The following STX19 variants were observed in gnomAD, a reference collection of about 807,000 sequenced individuals.
STX19 encodes the protein syntaxin-19.
Under a neutral mutation model 24.3 loss-of-function variants are expected in STX19, and 26 were observed. The ratio of observed to expected loss-of-function variants is 1.07; its 90% CI spans 0.78 to 1.48. STX19 has a LOEUF of 1.48. Among genes scored for constraint, STX19 ranks in the 40% most tolerant of loss-of-function variants. The probability of loss-of-function intolerance (pLI) is 0.00; values close to 1 mark genes in which losing one functional copy is unlikely to be tolerated. For synonymous variants in STX19, 116 were observed against 106.9 expected (o/e 1.09, Z -0.52); for missense variants, 367 against 331.9 (o/e 1.11, Z -0.82).
In STX19 at chr3:94,028,444, T is replaced by C. The variant is rs1275397478; in HGVS notation, c.-91A>G. On this transcript the variant is annotated 5_prime_UTR_variant, in exon 1 of 2. It removes an upstream start codon present in the reference 5' UTR. Coordinates refer to ENST00000315099, the MANE Select transcript of STX19 (RefSeq NM_001001850.3). ...CCTTTGAGAGAATATCTGAATATCA[T>C]CTCATGTTTTGAACAAATTATCTAA... The C allele has an allele frequency of 1.3e-5, 2 of 152,248 alleles. No individual in the cohort carries two copies. The highest frequency in any genetic ancestry group is 6.5e-5 in the Admixed American group (1 of 15,286). The allele number at this position is 152,248 out of a possible 1,614,324, so 9.4% of individuals were successfully genotyped here. A position where few individuals can be genotyped will look rare whatever the true frequency, so the allele number is the denominator to read the frequency against.
intron 1 of STX19, among the ~76,000 whole-genome samples, chr3:94,021,933 C>T (rs1327258177): frequency 1.3e-5 from 2 of 151,974 alleles, no homozygotes; most frequent in Non-Finnish European, 2.9e-5. Flanking sequence ...GTTAACAAGT[C>T]AAGTCATGTC....
At chr3:94,026,021 CT>C (rs548770030) in intron 1 of STX19, among the ~76,000 whole-genome samples, 184 of 140,282 alleles carry the variant, frequency 1.3e-3, no homozygotes, top group Non-Finnish European at 1.5e-3. Flanking sequence ...GAAAACTTCT[CT>C]TTTTTTTTTT....
At chr3:94,019,369 G>T (rs914591909) in intron 1 of STX19, among the ~76,000 whole-genome samples, 1 of 151,806 alleles carries the variant, frequency 6.6e-6, no homozygotes, top group Admixed American at 6.6e-5. Flanking sequence ...GCTAATTTTT[G>T]TATTTTCAGT....
intron 1 of STX19, among the ~76,000 whole-genome samples, chr3:94,022,965 T>G (rs2076481211): frequency 6.6e-6 from 1 of 151,986 alleles, no homozygotes; most frequent in East Asian, 1.9e-4. Context: ...ATATATATAT[T>G]TTTATTTCAT....
intron 1 of STX19, among the ~76,000 whole-genome samples, chr3:94,018,632 TGC>T (rs1393454477): frequency 1.3e-5 from 2 of 152,168 alleles, no homozygotes; most frequent in African/African-American, 4.8e-5. Context: ...CTTAAAAAAC[TGC>T]CTACCTGACA....
chr3:94,016,887 C>T (rs1236554229), intron 1 of STX19, among the ~76,000 whole-genome samples: 5 of 152,110 alleles, frequency 3.3e-5, no homozygotes, highest in East Asian at 1.9e-4. Context: ...CCTCGTGATC[C>T]GCCCACCTTG....
chr3:94,022,211 C>T (rs528613457), intron 1 of STX19, among the ~76,000 whole-genome samples: 8 of 152,158 alleles, frequency 5.3e-5, no homozygotes, highest in African/African-American at 1.4e-4. Flanking sequence ...GCAACCTCCT[C>T]CTCCCTGGTT....
chr3:94,015,856 T>C (rs1464081519), intron 1 of STX19, among the ~76,000 whole-genome samples: 1 of 152,198 alleles, frequency 6.6e-6, no homozygotes, highest in East Asian at 1.9e-4. Context: ...ATAATGTTTT[T>C]TCTAGCTGTT....
In STX19 at chr3:94,015,019, C is replaced by T. The variant is rs780520443; in HGVS notation, c.251G>A (p.Arg84Lys). ...QQKSLVASMR[R>K]FSLLKRESTI... ...AGACTCTCTCTTAAGTAGACTAAAC[C>T]TTCTCATTGAAGCCACCAGACTTTT... Residue 84 changes from arginine (R) to lysine (K), a missense_variant, in exon 2 of 2, where the codon AGG (arginine) becomes AAG (lysine). Arg to Lys is a conservative substitution (Grantham distance 26). Transcript: ENST00000315099. 1.9e-6 allele frequency: 3 copies of T among 1,613,884 alleles called. No individual in the cohort carries two copies. The African/African-American group carries it at 4.0e-5, about 22-fold the overall frequency.
rs2076296824 is a variant in STX19 at position 94,014,887 on chromosome 3, A to C, written c.383T>G (p.Val128Gly). Residue 128 changes from valine to glycine, a missense_variant, in exon 2 of 2, where the codon GTG becomes GGG. Val to Gly is a moderately radical substitution (Grantham distance 109). Coordinates refer to ENST00000315099, the MANE Select transcript of STX19 (RefSeq NM_001001850.3). The part of the protein sequence containing the change: ...KSEVENGPSS[V>G]VTRILKSQHA... ...CTGAGATTTAAGTATCCTTGTGACC[A>C]CTGAAGATGGACCATTTTCAACCTC... is the stretch of plus-strand genomic sequence containing the variant. The C allele has an allele frequency of 1.2e-6, 2 of 1,613,570 alleles. No homozygotes were observed. Among genetic ancestry groups the C allele is most frequent in the Admixed American group, 1.7e-5 (1 of 59,936 alleles).
chr3:94,018,206 T>C (rs2076372434), intron 1 of STX19, among the ~76,000 whole-genome samples: 1 of 151,844 alleles, frequency 6.6e-6, no homozygotes, highest in Non-Finnish European at 1.5e-5. Context: ...CCCTGATTTA[T>C]ATTTTTAAAA....
intron 1 of STX19, among the ~76,000 whole-genome samples, chr3:94,026,301 G>A (rs967941548): frequency 2.6e-5 from 4 of 152,088 alleles, no homozygotes; most frequent in South Asian, 4.1e-4. Flanking sequence ...TTAAACTTAC[G>A]ATTACATCAA....
At chr3:94,023,682 T>A (rs1164878164) in intron 1 of STX19, among the ~76,000 whole-genome samples, 1 of 152,176 alleles carries the variant, frequency 6.6e-6, no homozygotes, top group African/African-American at 2.4e-5. Flanking sequence ...CGTTTAGACA[T>A]ATCTACTTGA....
chr3:94,015,869 A>G (rs1485229017), intron 1 of STX19, among the ~76,000 whole-genome samples: 1 of 152,150 alleles, frequency 6.6e-6, no homozygotes, highest in Non-Finnish European at 1.5e-5. Flanking sequence ...TAGCTGTTGC[A>G]TATATGTGAA....
chr3:94,015,685 C>G (rs2076318626), intron 1 of STX19, among the ~76,000 whole-genome samples: 1 of 151,934 alleles, frequency 6.6e-6, no homozygotes, highest in Admixed American at 6.6e-5. Context: ...GTTAATTTGG[C>G]CAATGTAATA....
chr3:94,015,817 G>A (rs536613031), intron 1 of STX19, among the ~76,000 whole-genome samples: 11 of 152,176 alleles, frequency 7.2e-5, no homozygotes, highest in East Asian at 1.9e-4. Context: ...TAAATTTTCC[G>A]AAGCCTCTGA....
chr3:94,025,203 A>G (rs1412748825), intron 1 of STX19, among the ~76,000 whole-genome samples: 1 of 151,392 alleles, frequency 6.6e-6, no homozygotes, highest in East Asian at 1.9e-4. Flanking sequence ...GGAGCCCTTT[A>G]AAATATATTA....
intron 1 of STX19, among the ~76,000 whole-genome samples, chr3:94,021,120 A>G (rs4857146): frequency 0.38 from 56,984 of 151,094 alleles, 11,765 homozygotes; most frequent in East Asian, 0.55. Flanking sequence ...AGACGATACT[A>G]TAGAAAGAAT....
chr3:94,019,080 A>AC (rs1279888502), intron 1 of STX19, among the ~76,000 whole-genome samples: 1 of 150,418 alleles, frequency 6.6e-6, no homozygotes, highest in Admixed American at 6.6e-5. Flanking sequence ...GTCATTCTTG[A>AC]CTTTTTTTTT....
Sources: gnomAD v4.1 joint callset for allele counts (sites outside exome capture counted in the v4.1 genomes callset) on GRCh38, gnomAD v4.1.1 for gene constraint, MANE v1.5 for transcripts, NCBI Gene and HGNC (gene_info 2026-07-23, HGNC 2026-07-21) for gene names.